Variants in KLF17 observed in about 807,000 individuals in gnomAD.
KLF17 encodes Krueppel-like factor 17.
A neutral mutation model predicts 34.2 loss-of-function variants in KLF17; 31 were observed. The ratio of observed to expected loss-of-function variants is 0.91; its 90% confidence interval spans 0.68 to 1.22. The LOEUF (loss-of-function observed/expected upper bound fraction) is 1.22, where lower values mean the gene tolerates loss of function less well. Among genes scored for constraint, KLF17 ranks in the 50% most tolerant of loss-of-function variants. The pLI is 0.00. For synonymous variants in KLF17, 179 were observed against 186.7 expected, an observed-to-expected ratio of 0.96 and a Z score of 0.34; for missense variants, 478 against 505.2, an observed-to-expected ratio of 0.95 and a Z score of 0.52.
At chr1:44,080,307 A>C in the KLF17 span, among the ~76,000 whole-genome samples, 11 of 130,996 alleles carry the variant, frequency 8.4e-5, no homozygotes, top group Non-Finnish European at 1.1e-4. Context: ...GGTGCAATCT[A>C]GGCTCACTGC....
the KLF17 span, among the ~76,000 whole-genome samples, chr1:44,059,532 C>G: frequency 2.0e-5 from 3 of 152,064 alleles, no homozygotes; most frequent in African/African-American, 7.2e-5. Flanking sequence ...TCTGGCCTAC[C>G]CAGAAAATTT....
At chr1:44,084,783 C>T in the KLF17 span, among the ~76,000 whole-genome samples, 4 of 150,050 alleles carry the variant, frequency 2.7e-5, no homozygotes, top group Non-Finnish European at 5.9e-5. Flanking sequence ...GTTCTAAAAA[C>T]ATACATGAAG....
the KLF17 span, among the ~76,000 whole-genome samples, chr1:44,050,209 T>C: frequency 6.6e-6 from 1 of 152,340 alleles, no homozygotes; most frequent in African/African-American, 2.4e-5. Flanking sequence ...TTGGCAACTT[T>C]TACAAATCAG....
At chr1:44,103,945 C>T in the KLF17 span, 2 of 860,250 alleles carry the variant, frequency 2.3e-6, no homozygotes. Flanking sequence ...ATGCTCTCAG[C>T]CTCAGCCCGC....
chr1:44,122,204 TCCTCTG>T lies in KLF17; in HGVS notation c.81+3228_81+3233del, dbSNP rs1193180789. On this transcript the variant is annotated intron_variant, in intron 1 of 3. Coordinates refer to ENST00000372299, the MANE Select transcript of KLF17 (RefSeq NM_173484.4). Reference sequence around the variant, plus strand: ...TGCCACGGCCACGTCCTCTTCCTCTTCCTCTGCCTCTGCCTCTTCCTGCAACAGCTT... The same window carrying T: ...TGCCACGGCCACGTCCTCTTCCTCTTCCTCTGCCTCTTCCTGCAACAGCTT... 127 of 1,602,208 alleles carry T rather than the reference TCCTCTG, an allele frequency of 7.9e-5. No individual in the cohort carries two copies. The East Asian group carries it at 2.4e-3, about 30-fold the overall frequency.
At chr1:44,087,753 TATATATATATATATATACACACACACAC>T in the KLF17 span, among the ~76,000 whole-genome samples, 98 of 69,898 alleles carry the variant, frequency 1.4e-3, no homozygotes, top group African/African-American at 6.2e-3. Context: ...TATATATATA[TATATATATATATATATACACACACACAC>T]ACACACACAC....
At chr1:44,099,640 C>T in the KLF17 span, among the ~76,000 whole-genome samples, 295 of 151,012 alleles carry the variant, frequency 2.0e-3, no homozygotes, top group Non-Finnish European at 3.8e-3. Flanking sequence ...ATGGTTAAAC[C>T]CCATCTCTAC....
intron 1 of KLF17, among the ~76,000 whole-genome samples, chr1:44,125,489 T>A (rs903822882): frequency 6.6e-6 from 1 of 152,198 alleles, no homozygotes; most frequent in Non-Finnish European, 1.5e-5. Flanking sequence ...TTTTATTTTT[T>A]ATTTTTGAGA....
At chr1:44,100,604 A>T in the KLF17 span, among the ~76,000 whole-genome samples, 1 of 152,012 alleles carries the variant, frequency 6.6e-6, no homozygotes, top group Non-Finnish European at 1.5e-5. Flanking sequence ...GGTGTGAGCC[A>T]CCGCACTTGG....
chr1:44,099,288 C>A, the KLF17 span, among the ~76,000 whole-genome samples: 1 of 151,882 alleles, frequency 6.6e-6, no homozygotes, highest in Non-Finnish European at 1.5e-5. Context: ...CCTGTGGTAC[C>A]AGCTACCTGG....
chr1:44,129,294 G>A (rs2485653), intron 1 of KLF17, 59 bp from the exon 2 acceptor site: 397,316 of 1,499,192 alleles, frequency 0.27, 57,500 homozygotes, highest in Non-Finnish European at 0.3. Flanking sequence ...TGGGGATGAA[G>A]AGGAGGAACA....
rs1209862253 is a variant in KLF17, at chr1:44,127,767, C to CTT, written c.82-1585_82-1584dup. 6.3e-5 allele frequency among the ~76,000 whole-genome samples: 8 copies of CTT among 126,608 alleles called. No homozygotes were observed. In the South Asian group the frequency reaches 1.3e-3, roughly 21 times the overall value. 83.1% of individuals were successfully genotyped at this position (126,608 alleles called of 152,430 possible). A position where few individuals can be genotyped will look rare whatever the true frequency, so the allele number is the denominator to read the frequency against. Reference sequence around the variant, plus strand: ...TTCTTCTCTTTTCTTTCTTTCTTCTCTTCTTTCTTTCTTCTCTTTTCTTTC... The same window carrying CTT: ...TTCTTCTCTTTTCTTTCTTTCTTCTCTTTTCTTTCTTTCTTCTCTTTTCTTTC... On this transcript the variant is annotated intron_variant, in intron 1 of 3. Coordinates refer to ENST00000372299, the MANE Select transcript of KLF17 (RefSeq NM_173484.4).
the KLF17 span, among the ~76,000 whole-genome samples, chr1:44,094,975 A>T: frequency 6.8e-6 from 1 of 147,990 alleles, no homozygotes; most frequent in Admixed American, 6.8e-5. Flanking sequence ...ATCTCGGCTC[A>T]CTGCAAGCTC....
chr1:44,128,227 A>G (rs2088051886), intron 1 of KLF17, among the ~76,000 whole-genome samples: 1 of 152,054 alleles, frequency 6.6e-6, no homozygotes, highest in African/African-American at 2.4e-5. Flanking sequence ...GACTACAGGC[A>G]CACGCCACCA....
chr1:44,104,382 G>T, the KLF17 span: 9 of 1,031,644 alleles, frequency 8.7e-6, no homozygotes, highest in South Asian at 1.0e-4. Context: ...GCTCCCAGCC[G>T]TCTGCTGCTG....
At chr1:44,044,457 G>T in the KLF17 span, 1 of 152,384 alleles carries the variant, frequency 6.6e-6, no homozygotes. Context: ...ACAGCAATTC[G>T]AAAAGAACCG....
At chr1:44,053,461 G>A in the KLF17 span, among the ~76,000 whole-genome samples, 3 of 152,218 alleles carry the variant, frequency 2.0e-5, no homozygotes, top group Admixed American at 1.3e-4. Flanking sequence ...CTAGTTCTGG[G>A]GGGGGAGGAC....
At chr1:44,125,322 T>C (rs1396025298) in intron 1 of KLF17, among the ~76,000 whole-genome samples, 1 of 152,214 alleles carries the variant, frequency 6.6e-6, no homozygotes, top group East Asian at 1.9e-4. Context: ...TTAATAGTTA[T>C]TTTTCCTTTA....
chr1:44,084,881 C>T, the KLF17 span, among the ~76,000 whole-genome samples: 1 of 149,286 alleles, frequency 6.7e-6, no homozygotes, highest in Admixed American at 6.7e-5. Context: ...CAAGACCATC[C>T]TGGGCAACAT....
Sources: gnomAD v4.1 joint callset for allele counts (sites outside exome capture counted in the v4.1 genomes callset) on GRCh38, gnomAD v4.1.1 for gene constraint, MANE v1.5 for transcripts, NCBI Gene and HGNC (gene_info 2026-07-23, HGNC 2026-07-21) for gene names.